The following CCNJ variants were observed in gnomAD, a reference collection of about 807,000 sequenced individuals.
The protein encoded by CCNJ is cyclin-J.
A neutral mutation model predicts 41.4 loss-of-function variants in CCNJ; 12 were observed. The ratio of observed to expected loss-of-function variants is 0.29; its 90% CI spans 0.19 to 0.47. CCNJ has a LOEUF of 0.47. CCNJ is among the 20% of genes least tolerant of loss of function. The pLI is 1.00. For missense variants in CCNJ, 340 were observed against 464.6 expected (o/e 0.73, Z 2.47); for synonymous variants, 161 against 173.4 (o/e 0.93, Z 0.56).
chr10:96,046,485 T>G (rs1040184194), intron 2 of CCNJ, among the ~76,000 whole-genome samples: 6 of 152,236 alleles, frequency 3.9e-5, no homozygotes, highest in African/African-American at 1.4e-4. Context: ...TCATCTGTTT[T>G]TCTTCAACAT....
chr10:96,044,470 C>T lies in CCNJ; in HGVS notation c.69+8C>T. 6.5e-7 allele frequency: 1 copy of T among 1,527,644 alleles called. No homozygotes were observed. The highest frequency in any genetic ancestry group is 8.9e-7 in the Non-Finnish European group (1 of 1,129,314). 94.6% of individuals were successfully genotyped at this position (1,527,644 alleles called of 1,614,324 possible). A position where few individuals can be genotyped will look rare whatever the true frequency, so the allele number is the denominator to read the frequency against. ...CAAGCGCTTCGCTACAAGGTAACTC[C>T]GAGGCCCGGCCTGCCTTCTCCTTCT... On this transcript the variant is annotated splice_region_variant and intron_variant, in intron 2 of 5. Coordinates refer to ENST00000465148, the MANE Select transcript of CCNJ (RefSeq NM_001134375.2).
At chr10:96,043,815 CCGG>C (rs1197818429) in intron 1 of CCNJ, 96 bp downstream of exon 1, 16 of 385,692 alleles carry the variant, frequency 4.1e-5, no homozygotes, top group Non-Finnish European at 7.3e-5. Context: ...CCTGGCTGGC[CCGG>C]CCTTTTGTTC....
At chr10:96,051,407 T>G (rs772708056) in intron 3 of CCNJ, among the ~76,000 whole-genome samples, 9 of 152,244 alleles carry the variant, frequency 5.9e-5, no homozygotes, top group Non-Finnish European at 1.3e-4. Context: ...TATATTCATG[T>G]TATTACAATG....
chr10:96,044,456 C>G lies in CCNJ; in HGVS notation c.63C>G (p.Arg21=). The change falls in exon 2 of 6, where the codon CGC becomes CGG. Residue 21 remains arginine (R), a synonymous_variant. Transcript: ENST00000465148. ...QLAADIHQAL[R]YKELKLPSYK... is the part of the protein sequence containing the mutation. ...CCGCCGATATTCACCAAGCGCTTCGCTACAAGGTAACTCCGAGGCCCGGCC... is the reference window on the plus strand; with the variant it reads ...CCGCCGATATTCACCAAGCGCTTCGGTACAAGGTAACTCCGAGGCCCGGCC... 1 of 1,554,132 alleles carries G rather than the reference C, an allele frequency of 6.4e-7. No homozygotes were observed. The highest frequency in any genetic ancestry group is 8.7e-7 in the Non-Finnish European group (1 of 1,144,392).
chr10:96,051,883 C>T (rs1051892594), intron 3 of CCNJ, among the ~76,000 whole-genome samples: 2 of 152,196 alleles, frequency 1.3e-5, no homozygotes, highest in Admixed American at 6.5e-5. Flanking sequence ...AAATAAAACA[C>T]AGCTGCAGCA....
Position 96,050,364 on chromosome 10 carries a change from GC to G in CCNJ, c.181del (p.Arg61AlafsTer24). On this transcript the variant is annotated frameshift_variant, in exon 3 of 6. Coordinates refer to ENST00000465148, the MANE Select transcript of CCNJ (RefSeq NM_001134375.2). LOFTEE classifies it high-confidence loss of function. ...CAATCGCTTCACACTCTGCCCTTCT[GC>G]CCGCCATCTTGCTGTCTATTTACTG... ...VSNRFTLCPS[A>X]RHLAVYLLDL... 1 of 1,614,012 alleles carries G rather than the reference GC, an allele frequency of 6.2e-7. No individual in the cohort carries two copies. Among genetic ancestry groups the G allele is most frequent in the Non-Finnish European group, 8.5e-7 (1 of 1,179,956 alleles).
chr10:96,051,539 T>C (rs2080524140), intron 3 of CCNJ, among the ~76,000 whole-genome samples: 1 of 151,942 alleles, frequency 6.6e-6, no homozygotes, highest in Non-Finnish European at 1.5e-5. Flanking sequence ...CATGTCATTA[T>C]AATAGAATCT....
chr10:96,043,846 C>G (rs2080281264), intron 1 of CCNJ, 127 bp downstream of exon 1: 1 of 382,416 alleles, frequency 2.6e-6, no homozygotes, highest in Non-Finnish European at 4.6e-6. Flanking sequence ...TGAGGCCGCG[C>G]GGAACGTGCG....
At position 96,057,792 on chromosome 10, in the gene CCNJ, C is replaced by G. The variant is rs889745166; in HGVS notation, c.741-38C>G. ...ATTTTCTTGCAGATTTCTTCTCAAG[C>G]AGTATTTTTAATAGTTTCCTTTCTC... On this transcript the variant is annotated intron_variant, in intron 5 of 5. Transcript: ENST00000465148. The G allele has an allele frequency of 7.6e-6, 12 of 1,574,534 alleles. No homozygotes were observed. In the Admixed American group the frequency reaches 1.2e-4, roughly 16 times the overall value.
At chr10:96,043,843 G>C (rs1554857944) in intron 1 of CCNJ, 124 bp downstream of exon 1, 1 of 382,142 alleles carries the variant, frequency 2.6e-6, no homozygotes, top group Non-Finnish European at 4.6e-6. Context: ...TTCTGAGGCC[G>C]CGCGGAACGT....
chr10:96,053,922 T>G (rs2080603640), intron 3 of CCNJ, among the ~76,000 whole-genome samples: 1 of 152,160 alleles, frequency 6.6e-6, no homozygotes. Context: ...TAATTCTTAG[T>G]GTATGTTAGG....
At chr10:96,046,078 G>GT (rs1403524326) in intron 2 of CCNJ, among the ~76,000 whole-genome samples, 5 of 152,152 alleles carry the variant, frequency 3.3e-5, no homozygotes, top group African/African-American at 7.2e-5. Flanking sequence ...TGGGTTCTTT[G>GT]TTTTTTTGTT....
rs2080300752 is a variant in CCNJ, at chr10:96,044,342, G to A, written c.-41-11G>A. 2 of 1,411,794 alleles carry A rather than the reference G, an allele frequency of 1.4e-6. No homozygotes were observed. Among genetic ancestry groups the A allele is most frequent in the African/African-American group, 1.5e-5 (1 of 68,222 alleles). 87.5% of individuals were successfully genotyped at this position (1,411,794 alleles called of 1,614,324 possible). ...AGCCGGCAGTGACCGCGCCTGGGGTGTGTCTTACAGACTCGAGTTGCCGCG... is the reference window on the plus strand; with the variant it reads ...AGCCGGCAGTGACCGCGCCTGGGGTATGTCTTACAGACTCGAGTTGCCGCG... On this transcript the variant is annotated splice_polypyrimidine_tract_variant and intron_variant, in intron 1 of 5. Transcript: ENST00000465148.
At position 96,057,983 on chromosome 10, in the gene CCNJ, A is replaced by G. The variant is rs2080740230; in HGVS notation, c.894A>G (p.Ser298=). 1 of 1,613,922 alleles carries G rather than the reference A, an allele frequency of 6.2e-7. No homozygotes were observed. Among genetic ancestry groups the G allele is most frequent in the African/African-American group, 1.3e-5 (1 of 74,890 alleles). ...PQYLHQTHQT[S]LQYRHPTSEQ... is the part of the protein sequence containing the mutation. ...ATCTCCATCAGACACATCAGACCTC[A>G]CTGCAGTATCGCCATCCTACGTCAG... The change falls in exon 6 of 6, where the codon TCA becomes TCG. Residue 298 remains serine (S), a synonymous_variant. Coordinates refer to ENST00000465148, the MANE Select transcript of CCNJ (RefSeq NM_001134375.2).
At chr10:96,049,082 T>G (rs34846723) in intron 2 of CCNJ, among the ~76,000 whole-genome samples, 1 of 152,134 alleles carries the variant, frequency 6.6e-6, no homozygotes, top group Non-Finnish European at 1.5e-5. Flanking sequence ...CTAACACTTA[T>G]GATTATCTGG....
At chr10:96,054,277 G>C (rs2080615558) in intron 3 of CCNJ, among the ~76,000 whole-genome samples, 1 of 152,146 alleles carries the variant, frequency 6.6e-6, no homozygotes, top group East Asian at 1.9e-4. Flanking sequence ...TTTGTGAACT[G>C]TGTGTGGTAA....
At chr10:96,055,532 C>G (rs952763104) in intron 3 of CCNJ, among the ~76,000 whole-genome samples, 3 of 152,262 alleles carry the variant, frequency 2.0e-5, no homozygotes, top group South Asian at 2.1e-4. Flanking sequence ...TCTAGAAATA[C>G]TTACTAAAAT....
In CCNJ at chr10:96,058,678, GA is replaced by G. The variant is rs1281302486; in HGVS notation, c.*441del. On this transcript the variant is annotated 3_prime_UTR_variant, in exon 6 of 6. Coordinates refer to ENST00000465148, the MANE Select transcript of CCNJ (RefSeq NM_001134375.2). ...AAGGAAAGTTACAGTATTAATTTTTGAAAAGGTTTTTTTTATTCTGCAATTT... is the reference window on the plus strand; with the variant it reads ...AAGGAAAGTTACAGTATTAATTTTTGAAAGGTTTTTTTTATTCTGCAATTT... The G allele has an allele frequency of 1.3e-5, 5 of 398,294 alleles. No individual in the cohort carries two copies. The highest frequency in any genetic ancestry group is 1.0e-4 in the African/African-American group (5 of 48,562). 24.7% of individuals were successfully genotyped at this position (398,294 alleles called of 1,614,324 possible). A position where few individuals can be genotyped will look rare whatever the true frequency, so the allele number is the denominator to read the frequency against.
intron 2 of CCNJ, among the ~76,000 whole-genome samples, chr10:96,046,102 T>G (rs1476173334): frequency 6.6e-6 from 1 of 152,164 alleles, no homozygotes; most frequent in East Asian, 1.9e-4. Flanking sequence ...TCTCCTAGAT[T>G]TAGATTTGTT....
Sources: gnomAD v4.1 joint callset for allele counts (sites outside exome capture counted in the v4.1 genomes callset) on GRCh38, gnomAD v4.1.1 for gene constraint, MANE v1.5 for transcripts, NCBI Gene and HGNC (gene_info 2026-07-23, HGNC 2026-07-21) for gene names.